DNAH17: variants seen among roughly 807,000 people sequenced by gnomAD.
DNAH17 encodes the protein dynein axonemal heavy chain 17, also known as axonemal beta dynein heavy chain 17.
DNAH17 carries 376 observed loss-of-function variants against 485.6 expected under a neutral mutation model. That is an observed-to-expected ratio of 0.77 (90% CI 0.71 to 0.84). DNAH17 has a LOEUF of 0.84. Ranked by LOEUF, DNAH17 falls within the 40% of genes least tolerant of loss-of-function variation. DNAH17 has a pLI of 0.00. For synonymous variants in DNAH17, 3,031 were observed against 2,405.9 expected, an observed-to-expected ratio of 1.26 and a Z score of -7.60; for missense variants, 6,370 against 5,839.3, an observed-to-expected ratio of 1.09 and a Z score of -2.96.
In DNAH17 at chr17:78,479,121, T is replaced by C. The variant is rs1283968484; in HGVS notation, c.7901-5A>G. ...CCGTGATTTTCTGATGCAAAGCTGT[T>C]AGAGGAAAAGGACGTGTCAATTCTC... On this transcript the variant is annotated splice_region_variant and splice_polypyrimidine_tract_variant and intron_variant, in intron 50 of 80. Transcript: ENST00000389840. The C allele has an allele frequency of 6.2e-7, 1 of 1,613,566 alleles. No homozygotes were observed. Among genetic ancestry groups the C allele is most frequent in the Non-Finnish European group, 8.5e-7 (1 of 1,179,768 alleles).
intron 46 of DNAH17, 59 bp from the exon 47 acceptor site, chr17:78,485,816 G>A (rs924544095): frequency 3.8e-5 from 60 of 1,588,652 alleles, no homozygotes; most frequent in South Asian, 1.9e-4. Flanking sequence ...TGCCTCTCGT[G>A]GGTGTGCAGG....
At chr17:78,454,300 G>A (rs1171141943) in intron 64 of DNAH17, among the ~76,000 whole-genome samples, 170 bp downstream of exon 64, 1 of 152,212 alleles carries the variant, frequency 6.6e-6, no homozygotes, top group Non-Finnish European at 1.5e-5. Context: ...AGGGAAAAGA[G>A]CTCCTCATTT....
At chr17:78,467,259 G>GC (rs906837337) in intron 55 of DNAH17, among the ~76,000 whole-genome samples, 6 of 152,352 alleles carry the variant, frequency 3.9e-5, no homozygotes, top group African/African-American at 1.2e-4. Context: ...GTGGAGACAG[G>GC]CCTGGGGGGC....
chr17:78,543,888 T>C lies in DNAH17; in HGVS notation c.2501A>G (p.Asp834Gly), dbSNP rs991428801. ...CATGGCTTGGATCTTCACTCCAGCA[T>C]CCCTGACTGCTGCGTAGCGCTTGTT... is the stretch of plus-strand genomic sequence containing the variant. ...NLNKRYAAVR[D>G]AGVKIQAMVA... Residue 834 changes from aspartate to glycine, a missense_variant, in exon 17 of 81, where the codon GAT (aspartate) becomes GGT (glycine). Asp to Gly is a moderately conservative substitution (Grantham distance 94). Transcript: ENST00000389840. The C allele has an allele frequency of 6.2e-7, 1 of 1,613,958 alleles. No individual in the cohort carries two copies. The highest frequency in any genetic ancestry group is 1.3e-5 in the African/African-American group (1 of 74,946).
In DNAH17 at chr17:78,425,732, A is replaced by G. The variant is rs8069546; in HGVS notation, c.12916-161T>C. On this transcript the variant is annotated intron_variant, in intron 79 of 80. Coordinates refer to ENST00000389840, the MANE Select transcript of DNAH17 (RefSeq NM_173628.4). ...TAGGGGCCATGGAGCCCAGCCACCT[A>G]CCATGACGCAACTTTGGTGTCTGCT... is the stretch of plus-strand genomic sequence containing the variant. 71,542 of 494,722 alleles carry G rather than the reference A, an allele frequency of 0.14. 5,908 individuals are homozygous for G. Among genetic ancestry groups the G allele is most frequent in the Middle Eastern group, 0.21 (373 of 1,780 alleles). 30.6% of individuals were successfully genotyped at this position (494,722 alleles called of 1,614,324 possible). A position where few individuals can be genotyped will look rare whatever the true frequency, so the allele number is the denominator to read the frequency against.
At chr17:78,491,671 C>A in intron 42 of DNAH17, 101 bp from the exon 43 acceptor site, 2 of 1,482,180 alleles carry the variant, frequency 1.3e-6, no homozygotes, top group South Asian at 1.3e-5. Context: ...GGGAGCCTGT[C>A]CCCTACTTCA....
At chr17:78,437,189 C>T (rs2086877085) in intron 74 of DNAH17, among the ~76,000 whole-genome samples, 2 of 152,194 alleles carry the variant, frequency 1.3e-5, no homozygotes, top group South Asian at 4.1e-4. Flanking sequence ...AGAGCCTCAG[C>T]GAGTACAGCA....
intron 71 of DNAH17, among the ~76,000 whole-genome samples, chr17:78,441,882 T>C (rs2087090674): frequency 6.6e-6 from 1 of 152,054 alleles, no homozygotes; most frequent in Admixed American, 6.6e-5. Flanking sequence ...GTTAGGAGTT[T>C]GAGACCAGCC....
intron 50 of DNAH17, among the ~76,000 whole-genome samples, 160 bp downstream of exon 50, chr17:78,479,325 T>C (rs1399768782): frequency 6.6e-6 from 1 of 152,188 alleles, no homozygotes; most frequent in Non-Finnish European, 1.5e-5. Context: ...CATGAAGCAA[T>C]TGTATTTCAC....
Position 78,454,535 on chromosome 17 carries a change from T to C in DNAH17, c.10341A>G (p.Gln3447=), listed in dbSNP as rs778252486. The C allele has an allele frequency of 5.6e-6, 9 of 1,613,608 alleles. No homozygotes were observed. The highest frequency in any genetic ancestry group is 7.6e-6 in the Non-Finnish European group (9 of 1,179,866). Residue 3447 remains glutamine, a synonymous_variant, in exon 64 of 81, where the codon CAA becomes CAG. Coordinates refer to ENST00000389840, the MANE Select transcript of DNAH17 (RefSeq NM_173628.4). ...ATTTGTTTTTGATCCACTTGATTCC[T>C]TGGAGCTGGGCGTCCACGATCAGCG... The part of the protein sequence containing the change: ...RWPLIVDAQL[Q]GIKWIKNKYR...
rs548981713 is a variant in DNAH17, at chr17:78,561,418, A to G, written c.1835+297T>C. Among the ~76,000 whole-genome samples, 53 of 152,018 alleles carry G rather than the reference A, an allele frequency of 3.5e-4. 1 individual carries two copies. Among genetic ancestry groups the G allele is most frequent in the African/African-American group, 1.2e-3 (50 of 41,472 alleles). ...CCAGGAGACTTGGCCAAGTGCACGC[A>G]ACAGTGGCTCAGTCAGCTGCATACA... is the stretch of plus-strand genomic sequence containing the variant. On this transcript the variant is annotated intron_variant, in intron 12 of 80. Coordinates refer to ENST00000389840, the MANE Select transcript of DNAH17 (RefSeq NM_173628.4).
chr17:78,575,011 G>A lies in DNAH17; in HGVS notation c.47C>T (p.Ala16Val). The change falls in exon 2 of 81, where the codon GCC becomes GTC. Residue 16 changes from alanine (A) to valine (V), a missense_variant. Ala to Val is a moderately conservative substitution (Grantham distance 64). Coordinates refer to ENST00000389840, the MANE Select transcript of DNAH17 (RefSeq NM_173628.4). The part of the protein sequence containing the change: ...DVRLEYLEEV[A>V]SIVLKFKPDK... ...CGGCTTGAACTTCAGGACGATGGAG[G>A]CAACTTCCTCCAGATACTCTAGTCT... 1 of 1,613,946 alleles carries A rather than the reference G, an allele frequency of 6.2e-7. No homozygotes were observed. The highest frequency in any genetic ancestry group is 1.3e-5 in the African/African-American group (1 of 75,040).
chr17:78,521,465 C>T (rs956855328), intron 25 of DNAH17, among the ~76,000 whole-genome samples: 3 of 152,034 alleles, frequency 2.0e-5, no homozygotes, highest in African/African-American at 7.2e-5. Context: ...CATGCTGGAG[C>T]AATTAGACAT....
rs951893698 is a variant in DNAH17 at position 78,423,947 on chromosome 17, T to G, written c.13348A>C (p.Lys4450Gln). ...FNLKTKEKAA[K>Q]WILAAVALLL... The stretch of plus-strand genomic sequence containing the variant: ...AGCGCCACGGCTGCCAGGATCCACT[T>G]CGCTGCCTTCTCTTTGGTCTTCAAG... Residue 4450 changes from lysine (K) to glutamine (Q), a missense_variant, in exon 81 of 81, where the codon AAG (lysine) becomes CAG (glutamine). By Grantham distance (53) the Lys-to-Gln change is moderately conservative (BLOSUM62 1). Coordinates refer to ENST00000389840, the MANE Select transcript of DNAH17 (RefSeq NM_173628.4). 5 of 1,613,894 alleles carry G rather than the reference T, an allele frequency of 3.1e-6. No individual in the cohort carries two copies. In the Admixed American group the frequency reaches 6.7e-5, roughly 22 times the overall value.
chr17:78,482,286 A>G (rs1199861070), intron 48 of DNAH17, among the ~76,000 whole-genome samples: 1 of 151,866 alleles, frequency 6.6e-6, no homozygotes, highest in Non-Finnish European at 1.5e-5. Context: ...TCCACCTCCT[A>G]AAGTGTTGAG....
At chr17:78,460,324 G>GCATGTGTGTA in intron 58 of DNAH17, 67 bp from the exon 59 acceptor site, 2 of 749,320 alleles carry the variant, frequency 2.7e-6, no homozygotes, top group South Asian at 1.7e-5. Context: ...GCGTGTACGT[G>GCATGTGTGTA]CATGTGTGTG....
chr17:78,572,881 AGAG>A lies in DNAH17; in HGVS notation c.356_358del (p.Ser119del), dbSNP rs1283893706. On this transcript the variant is annotated inframe_deletion, in exon 3 of 81. Coordinates refer to ENST00000389840, the MANE Select transcript of DNAH17 (RefSeq NM_173628.4). ...AGCCATGTTCTCACTTTGGTTTAAC[AGAG>A]AAGAGAGGACCTAAAAGGAAACACT... 2 of 1,613,612 alleles carry A rather than the reference AGAG, an allele frequency of 1.2e-6. No homozygotes were observed. Among genetic ancestry groups the A allele is most frequent in the African/African-American group, 1.3e-5 (1 of 74,932 alleles).
At chr17:78,453,678 G>A (rs1436989575) in intron 64 of DNAH17, among the ~76,000 whole-genome samples, 1 of 152,210 alleles carries the variant, frequency 6.6e-6, no homozygotes, top group Non-Finnish European at 1.5e-5. Context: ...TGGGAGTGGA[G>A]ATGAAAATGG....
chr17:78,522,258 C>T (rs1005863540), intron 25 of DNAH17: 6 of 185,526 alleles, frequency 3.2e-5, no homozygotes, highest in Non-Finnish European at 4.6e-5. Flanking sequence ...TGGCGGCTAC[C>T]GAGGACGCTC....
Sources: allele counts gnomAD v4.1 joint callset (sites outside exome capture counted in the v4.1 genomes callset), GRCh38; gene constraint gnomAD v4.1.1; transcripts MANE v1.5; gene names NCBI Gene and HGNC (gene_info 2026-07-23, HGNC 2026-07-21).